The following ADGRL3 variants were observed in gnomAD, a reference collection of about 807,000 sequenced individuals.
The protein encoded by ADGRL3 is calcium-independent alpha-latrotoxin receptor 3.
Under a neutral mutation model 153.5 loss-of-function variants are expected in ADGRL3, and 62 were observed. The observed-to-expected ratio is 0.40, with a 90% CI of 0.33 to 0.50. The LOEUF (loss-of-function observed/expected upper bound fraction) is 0.50. ADGRL3 is among the 20% of genes least tolerant of loss of function. The pLI is 0.47. For missense variants in ADGRL3, 1,641 were observed against 1,859.4 expected (o/e 0.88, Z 2.16); for synonymous variants, 710 against 672.5 (o/e 1.06, Z -0.86).
At chr4:61,308,295 C>A (rs146287989) in intron 1 of ADGRL3, among the ~76,000 whole-genome samples, 1 of 152,094 alleles carries the variant, frequency 6.6e-6, no homozygotes, top group Non-Finnish European at 1.5e-5. Flanking sequence ...AGTCTCCCAC[C>A]CTAACACTGT....
chr4:62,038,378 C>T (rs984908595), intron 24 of ADGRL3, among the ~76,000 whole-genome samples: 5 of 152,046 alleles, frequency 3.3e-5, no homozygotes, highest in Admixed American at 6.6e-5. Flanking sequence ...GGTCTAAGCT[C>T]CACTCCCATT....
intron 6 of ADGRL3, among the ~76,000 whole-genome samples, chr4:61,696,665 T>C (rs1467745853): frequency 6.9e-6 from 1 of 145,492 alleles, no homozygotes; most frequent in Non-Finnish European, 1.5e-5. Context: ...TCCTTTTTTT[T>C]TAACCTTTTT....
intron 1 of ADGRL3, among the ~76,000 whole-genome samples, chr4:61,205,218 C>G (rs1006946585): frequency 5.9e-5 from 9 of 152,148 alleles, no homozygotes; most frequent in African/African-American, 2.2e-4. Context: ...TGGATTTGGA[C>G]CACTTTAAGT....
chr4:61,309,195 T>C (rs2094910030), intron 1 of ADGRL3, among the ~76,000 whole-genome samples: 1 of 152,226 alleles, frequency 6.6e-6, no homozygotes. Flanking sequence ...TCATTACTTT[T>C]TGTAAACCTA....
chr4:61,246,389 C>CG (rs1304592717), intron 1 of ADGRL3, among the ~76,000 whole-genome samples: 1 of 151,832 alleles, frequency 6.6e-6, no homozygotes, highest in Non-Finnish European at 1.5e-5. Context: ...TATCAAGCAT[C>CG]GGGGGGAGTT....
At chr4:61,865,388 G>A (rs1466158415) in intron 9 of ADGRL3, among the ~76,000 whole-genome samples, 18 of 150,658 alleles carry the variant, frequency 1.2e-4, no homozygotes. Context: ...ATATATAACT[G>A]GAAGGCTGTG....
intron 11 of ADGRL3, among the ~76,000 whole-genome samples, chr4:61,897,611 G>A (rs1001588778): frequency 6.6e-6 from 1 of 152,144 alleles, no homozygotes; most frequent in African/African-American, 2.4e-5. Flanking sequence ...ATAAATGATA[G>A]TTGAGCAGGT....
At chr4:61,535,405 G>T (rs1285975972) in intron 4 of ADGRL3, among the ~76,000 whole-genome samples, 2 of 151,814 alleles carry the variant, frequency 1.3e-5, no homozygotes, top group African/African-American at 2.4e-5. Flanking sequence ...GTTTTCATTT[G>T]TTGTGTCATT....
intron 6 of ADGRL3, among the ~76,000 whole-genome samples, chr4:61,693,605 C>G (rs1366498186): frequency 6.6e-6 from 1 of 152,152 alleles, no homozygotes; most frequent in Non-Finnish European, 1.5e-5. Flanking sequence ...AAAGTTCATC[C>G]AATATCAGTT....
intron 6 of ADGRL3, among the ~76,000 whole-genome samples, chr4:61,720,591 A>G (rs944720439): frequency 6.6e-6 from 1 of 152,162 alleles, no homozygotes; most frequent in Non-Finnish European, 1.5e-5. Flanking sequence ...TTGCTCTTTA[A>G]TCAGTGGAGA....
At chr4:61,539,753 C>A (rs1021995770) in intron 4 of ADGRL3, among the ~76,000 whole-genome samples, 2 of 152,098 alleles carry the variant, frequency 1.3e-5, no homozygotes, top group Non-Finnish European at 2.9e-5. Context: ...CAGACTTTCT[C>A]CCCGACAATT....
At position 61,847,628 on chromosome 4, in the gene ADGRL3, AAT is replaced by A. The variant is rs1276673758; in HGVS notation, c.1480+33744_1480+33745del. Among the ~76,000 whole-genome samples, 315 of 35,524 alleles carry A rather than the reference AAT, an allele frequency of 8.9e-3. 2 individuals are homozygous for A. The highest frequency in any genetic ancestry group is 0.015 in the Non-Finnish European group (236 of 15,332). 23.3% of individuals were successfully genotyped at this position (35,524 alleles called of 152,430 possible). A position where few individuals can be genotyped will look rare whatever the true frequency, so the allele number is the denominator to read the frequency against. ...ATAATATATTATATATATAATATAA[AAT>A]ATATTATATATATAATATAAAATAT... On this transcript the variant is annotated intron_variant, in intron 9 of 26. Transcript: ENST00000683033.
chr4:61,646,922 C>T (rs2094020386), intron 5 of ADGRL3, among the ~76,000 whole-genome samples: 1 of 152,294 alleles, frequency 6.6e-6, no homozygotes, highest in South Asian at 2.1e-4. Flanking sequence ...TGCTAGCAAT[C>T]AGCGAGACTC....
intron 6 of ADGRL3, among the ~76,000 whole-genome samples, chr4:61,698,163 T>A (rs1373691438): frequency 6.6e-6 from 1 of 151,836 alleles, no homozygotes; most frequent in East Asian, 1.9e-4. Flanking sequence ...TGAAAAAAAA[T>A]TACTGAGGCC....
At position 61,732,896 on chromosome 4, in the gene ADGRL3, T is replaced by G. The variant is rs2096463298; in HGVS notation, c.741T>G (p.Thr247=). 1 of 1,613,686 alleles carries G rather than the reference T, an allele frequency of 6.2e-7. No homozygotes were observed. Among genetic ancestry groups the G allele is most frequent in the Non-Finnish European group, 8.5e-7 (1 of 1,179,802 alleles). The change falls in exon 8 of 27, where the codon ACT becomes ACG. Residue 247 remains threonine, a synonymous_variant. Coordinates refer to ENST00000683033, the MANE Select transcript of ADGRL3 (RefSeq NM_001387552.1). ...ATATGCCCTGGACTCCCTACAGAAC[T>G]GATACCCTGACTGAGTATTCATCCA... ...IYYMPWTPYR[T]DTLTEYSSKD... is the part of the protein sequence containing the mutation.
At chr4:61,333,075 A>T (rs1263698044) in intron 1 of ADGRL3, among the ~76,000 whole-genome samples, 6 of 152,086 alleles carry the variant, frequency 3.9e-5, no homozygotes. Context: ...TACCATTTTT[A>T]TCTGTAGATA....
intron 9 of ADGRL3, among the ~76,000 whole-genome samples, chr4:61,884,089 G>A (rs916480631): frequency 6.6e-6 from 1 of 152,120 alleles, no homozygotes; most frequent in African/African-American, 2.4e-5. Context: ...CCAGTACAAT[G>A]CCTGTCACAT....
chr4:61,628,892 A>G (rs975737133), intron 5 of ADGRL3, among the ~76,000 whole-genome samples: 6 of 152,196 alleles, frequency 3.9e-5, no homozygotes, highest in African/African-American at 1.4e-4. Context: ...ACCCCCAGAG[A>G]GTAAGTGCTG....
chr4:61,272,527 T>C (rs1174118802), intron 1 of ADGRL3, among the ~76,000 whole-genome samples: 1 of 152,082 alleles, frequency 6.6e-6, no homozygotes, highest in Non-Finnish European at 1.5e-5. Context: ...TAAATTAAAA[T>C]AATAACGTAG....
Sources: gnomAD v4.1 joint callset for allele counts (sites outside exome capture counted in the v4.1 genomes callset) on GRCh38, gnomAD v4.1.1 for gene constraint, MANE v1.5 for transcripts, NCBI Gene and HGNC (gene_info 2026-07-23, HGNC 2026-07-21) for gene names.